CADM2: variants seen among roughly 807,000 people sequenced by gnomAD.
CADM2 encodes immunoglobulin superfamily member 4D.
CADM2 carries 12 observed loss-of-function variants against 49.8 expected under a neutral mutation model. That is an observed-to-expected ratio of 0.24 (90% CI 0.15 to 0.39). CADM2 has a LOEUF of 0.39. Ranked by LOEUF, CADM2 falls within the 10% of genes least tolerant of loss-of-function variation. The pLI, the probability that CADM2 is intolerant of heterozygous loss-of-function variation, is 1.00. For synonymous variants in CADM2, 214 were observed against 175.4 expected (o/e 1.22, Z -1.74); for missense variants, 378 against 492.3 (o/e 0.77, Z 2.20).
intron 8 of CADM2, among the ~76,000 whole-genome samples, chr3:86,017,950 A>C (rs1377179137): frequency 2.1e-5 from 3 of 141,954 alleles, no homozygotes; most frequent in Non-Finnish European, 4.6e-5. Context: ...ATATGTATAC[A>C]TGTGCCATGC....
At chr3:85,322,935 C>G (rs971599975) in intron 1 of CADM2, among the ~76,000 whole-genome samples, 3 of 152,140 alleles carry the variant, frequency 2.0e-5, no homozygotes, top group African/African-American at 7.2e-5. Flanking sequence ...ACAAATAAAA[C>G]TGAATATTGG....
chr3:85,738,684 A>G (rs1211200435), intron 2 of CADM2, among the ~76,000 whole-genome samples: 1 of 152,180 alleles, frequency 6.6e-6, no homozygotes, highest in Non-Finnish European at 1.5e-5. Context: ...TAAATATAAC[A>G]GACAGGTTAA....
At chr3:85,873,938 G>A (rs1445679961) in intron 3 of CADM2, among the ~76,000 whole-genome samples, 1 of 152,012 alleles carries the variant, frequency 6.6e-6, no homozygotes, top group Non-Finnish European at 1.5e-5. Context: ...AAGGAAGCAA[G>A]ATCAAGTGGT....
intron 5 of CADM2, among the ~76,000 whole-genome samples, chr3:85,896,060 G>A (rs1715174502): frequency 6.6e-6 from 1 of 152,162 alleles, no homozygotes; most frequent in African/African-American, 2.4e-5. Context: ...TGGGGCTGAG[G>A]CAGGAGGATC....
At chr3:85,561,708 T>A (rs1389415444) in intron 1 of CADM2, among the ~76,000 whole-genome samples, 1 of 152,194 alleles carries the variant, frequency 6.6e-6, no homozygotes, top group African/African-American at 2.4e-5. Context: ...AACAAAAACA[T>A]CTGTTCATAT....
chr3:85,626,938 C>T (rs190766549), intron 1 of CADM2, among the ~76,000 whole-genome samples: 46 of 152,100 alleles, frequency 3.0e-4, no homozygotes, highest in Non-Finnish European at 2.4e-4. Flanking sequence ...AGGCTCTGGT[C>T]CTTCAAATAG....
At chr3:85,282,951 A>T (rs2043541015) in intron 1 of CADM2, among the ~76,000 whole-genome samples, 1 of 152,102 alleles carries the variant, frequency 6.6e-6, no homozygotes, top group Non-Finnish European at 1.5e-5. Flanking sequence ...TGGATCTCCT[A>T]AATACCCTGA....
At chr3:85,232,777 C>T (rs1008615379) in intron 1 of CADM2, among the ~76,000 whole-genome samples, 3 of 152,140 alleles carry the variant, frequency 2.0e-5, no homozygotes, top group Non-Finnish European at 4.4e-5. Context: ...AATACTGACT[C>T]TCATTCATGG....
chr3:85,414,360 A>G (rs2035820885), intron 1 of CADM2, among the ~76,000 whole-genome samples: 1 of 152,180 alleles, frequency 6.6e-6, no homozygotes, highest in South Asian at 2.1e-4. Flanking sequence ...AGGAAGAAAA[A>G]AATAATCGAG....
intron 1 of CADM2, among the ~76,000 whole-genome samples, chr3:85,376,860 G>A (rs548183229): frequency 6.6e-6 from 1 of 152,034 alleles, no homozygotes; most frequent in Non-Finnish European, 1.5e-5. Context: ...TACAATGCCA[G>A]AAAGATAACG....
chr3:85,603,341 C>G (rs2063464150), intron 1 of CADM2, among the ~76,000 whole-genome samples: 1 of 151,856 alleles, frequency 6.6e-6, no homozygotes, highest in Non-Finnish European at 1.5e-5. Context: ...TTTTGAGTTA[C>G]CAGTTTAACT....
chr3:85,739,657 T>A (rs9883919), intron 2 of CADM2, among the ~76,000 whole-genome samples: 79,817 of 151,272 alleles, frequency 0.53, 21,750 homozygotes, highest in African/African-American at 0.68. Context: ...TGTTCCTATG[T>A]TGAAAGATAA....
chr3:85,785,860 A>T (rs182738081), intron 2 of CADM2, among the ~76,000 whole-genome samples: 1 of 152,112 alleles, frequency 6.6e-6, no homozygotes, highest in East Asian at 1.9e-4. Flanking sequence ...ATTATGCAAT[A>T]AACAATCTCA....
intron 1 of CADM2, among the ~76,000 whole-genome samples, chr3:85,378,032 T>G (rs1372431262): frequency 1.3e-5 from 2 of 151,778 alleles, no homozygotes; most frequent in Admixed American, 1.3e-4. Context: ...CAGGAATCAT[T>G]TTTTTTGCAG....
intron 1 of CADM2, among the ~76,000 whole-genome samples, chr3:85,601,155 T>C (rs1407984459): frequency 2.3e-5 from 3 of 128,102 alleles, no homozygotes; most frequent in Admixed American, 1.6e-4. Context: ...TATATATATA[T>C]ATATATATAT....
chr3:85,961,959 C>G (rs4508773), intron 8 of CADM2, among the ~76,000 whole-genome samples: 1 of 151,304 alleles, frequency 6.6e-6, no homozygotes, highest in Non-Finnish European at 1.5e-5. Context: ...TTTTTGGAGA[C>G]AGAGTCTTGC....
At chr3:85,309,105 C>A (rs1244580369) in intron 1 of CADM2, among the ~76,000 whole-genome samples, 1 of 151,980 alleles carries the variant, frequency 6.6e-6, no homozygotes, top group Admixed American at 6.6e-5. Context: ...GCCAAAGTTA[C>A]ACGTGCCATA....
At chr3:85,969,630 A>G (rs77935081) in intron 8 of CADM2, among the ~76,000 whole-genome samples, 6,156 of 151,210 alleles carry the variant, frequency 0.041, 417 homozygotes, top group African/African-American at 0.14. Flanking sequence ...ATATATACAT[A>G]TGTATATATA....
intron 3 of CADM2, among the ~76,000 whole-genome samples, chr3:85,874,690 T>C (rs1711566928): frequency 6.6e-6 from 1 of 152,092 alleles, no homozygotes; most frequent in Non-Finnish European, 1.5e-5. Context: ...TTGTGAACGC[T>C]ATCAAATACC....
Sources: gnomAD v4.1 joint callset for allele counts (sites outside exome capture counted in the v4.1 genomes callset) on GRCh38, gnomAD v4.1.1 for gene constraint, MANE v1.5 for transcripts, NCBI Gene and HGNC (gene_info 2026-07-23, HGNC 2026-07-21) for gene names.